GFRA1: variants seen among roughly 807,000 people sequenced by gnomAD.
The protein encoded by GFRA1 is GDNF family receptor alpha 1, also known as GDNF family receptor alpha-1.
Under a neutral mutation model 51.6 loss-of-function variants are expected in GFRA1, and 16 were observed. That is an observed-to-expected ratio of 0.31 (90% confidence interval 0.21 to 0.47). GFRA1 has a LOEUF of 0.47. GFRA1 is among the 20% of genes least tolerant of loss of function. GFRA1 has a pLI of 1.00. For synonymous variants in GFRA1, 270 were observed against 241.3 expected (o/e 1.12, Z -1.10); for missense variants, 530 against 594.3 (o/e 0.89, Z 1.13).
At chr10:116,156,542 T>A (rs1209587703) in intron 5 of GFRA1, among the ~76,000 whole-genome samples, 1 of 152,220 alleles carries the variant, frequency 6.6e-6, no homozygotes, top group Non-Finnish European at 1.5e-5. Context: ...GCCAAACATG[T>A]TATCCATCCC....
At chr10:116,267,970 C>T (rs1035113907) in intron 4 of GFRA1, among the ~76,000 whole-genome samples, 1 of 144,750 alleles carries the variant, frequency 6.9e-6, no homozygotes, top group East Asian at 2.0e-4. Flanking sequence ...CACACACACA[C>T]ACACACTTTT....
At chr10:116,262,303 C>T (rs887486899) in intron 4 of GFRA1, among the ~76,000 whole-genome samples, 2 of 152,202 alleles carry the variant, frequency 1.3e-5, no homozygotes, top group Admixed American at 1.3e-4. Flanking sequence ...ACAGCCTTCA[C>T]TGGAACATTT....
chr10:116,085,487 A>G (rs962559337), intron 9 of GFRA1, among the ~76,000 whole-genome samples: 3 of 152,024 alleles, frequency 2.0e-5, no homozygotes, highest in Non-Finnish European at 4.4e-5. Context: ...TGTGGCTGGG[A>G]CAAACGCCAT....
intron 5 of GFRA1, among the ~76,000 whole-genome samples, chr10:116,148,253 T>C (rs938514353): frequency 2.0e-5 from 3 of 151,978 alleles, no homozygotes; most frequent in Non-Finnish European, 4.4e-5. Context: ...GAGAATCTAG[T>C]CCAATATTCT....
intron 7 of GFRA1, 122 bp from the exon 8 acceptor site, chr10:116,093,958 T>C: frequency 1.1e-6 from 1 of 915,010 alleles, no homozygotes; most frequent in Non-Finnish European, 1.8e-6. Context: ...TTGTATTTGC[T>C]GAGTGGGAAA....
intron 9 of GFRA1, among the ~76,000 whole-genome samples, chr10:116,072,719 CCACTGCACT>C (rs1275840260): frequency 1.3e-5 from 2 of 152,148 alleles, no homozygotes; most frequent in African/African-American, 4.8e-5. Context: ...TGAGATCACA[CCACTGCACT>C]CCAGCCTGGG....
chr10:116,192,084 A>C (rs1963319470), intron 5 of GFRA1, among the ~76,000 whole-genome samples: 1 of 152,146 alleles, frequency 6.6e-6, no homozygotes, highest in South Asian at 2.1e-4. Context: ...ACATAGTCCA[A>C]ATGAATCATT....
At chr10:116,234,192 T>C (rs1966840905) in intron 4 of GFRA1, among the ~76,000 whole-genome samples, 1 of 152,186 alleles carries the variant, frequency 6.6e-6, no homozygotes, top group Non-Finnish European at 1.5e-5. Flanking sequence ...GAGTTTGCCT[T>C]TTTTCCCCCT....
intron 5 of GFRA1, among the ~76,000 whole-genome samples, chr10:116,172,294 C>G (rs1431162807): frequency 1.3e-5 from 2 of 152,142 alleles, no homozygotes. Context: ...TATACCCACC[C>G]ATCCATCTGC....
At chr10:116,065,497 T>C in intron 10 of GFRA1, 76 bp downstream of exon 10, 2 of 1,176,340 alleles carry the variant, frequency 1.7e-6, no homozygotes, top group Non-Finnish European at 2.5e-6. Context: ...GAATGCTTTA[T>C]ATGATACCCT....
chr10:116,114,559 A>G (rs2420232), intron 6 of GFRA1, among the ~76,000 whole-genome samples: 75,989 of 151,850 alleles, frequency 0.5, 20,294 homozygotes, highest in Admixed American at 0.63. Flanking sequence ...TCCTACTTTA[A>G]TTTTTATTTT....
At chr10:116,111,176 T>C (rs1399179130) in intron 6 of GFRA1, among the ~76,000 whole-genome samples, 1 of 152,182 alleles carries the variant, frequency 6.6e-6, no homozygotes, top group Non-Finnish European at 1.5e-5. Context: ...GGAAGAAGAT[T>C]TAATTACCTT....
At position 116,062,361 on chromosome 10, in the gene GFRA1, CTT is replaced by C. The variant is rs1299453455; in HGVS notation, c.*2035_*2036del. ...TAATGTGTTTATTCAAAGTAAGAGT[CTT>C]TATAGATCTTTTCACTAATTAAATA... On this transcript the variant is annotated 3_prime_UTR_variant, in exon 11 of 11. Coordinates refer to ENST00000355422, the MANE Select transcript of GFRA1 (RefSeq NM_005264.8). 15 of 373,584 alleles carry C rather than the reference CTT, an allele frequency of 4.0e-5. No individual in the cohort carries two copies. In the East Asian group the frequency reaches 5.8e-4, roughly 14 times the overall value. The allele number at this position is 373,584 out of a possible 1,614,324, so 23.1% of individuals were successfully genotyped here. A position where few individuals can be genotyped will look rare whatever the true frequency, so the allele number is the denominator to read the frequency against.
chr10:116,189,668 G>A (rs12770328), intron 5 of GFRA1, among the ~76,000 whole-genome samples: 14 of 152,044 alleles, frequency 9.2e-5, no homozygotes, highest in Non-Finnish European at 1.8e-4. Flanking sequence ...TTTAAGCAAT[G>A]GAAATAAGAG....
At chr10:116,148,983 C>T (rs1461613560) in intron 5 of GFRA1, among the ~76,000 whole-genome samples, 1 of 152,198 alleles carries the variant, frequency 6.6e-6, no homozygotes, top group African/African-American at 2.4e-5. Flanking sequence ...GGTCTAAGGA[C>T]TGTTGTACAC....
At chr10:116,236,388 C>T (rs1054198828) in intron 4 of GFRA1, among the ~76,000 whole-genome samples, 10 of 152,088 alleles carry the variant, frequency 6.6e-5, no homozygotes, top group Non-Finnish European at 1.3e-4. Context: ...AAAAAGGTTA[C>T]CAGGACTTTC....
chr10:116,094,645 T>C (rs908735839), intron 7 of GFRA1, among the ~76,000 whole-genome samples: 1 of 152,236 alleles, frequency 6.6e-6, no homozygotes, highest in Non-Finnish European at 1.5e-5. Context: ...ATTTTCTGGA[T>C]GTAAGAAGTA....
chr10:116,265,085 A>C (rs1969559716), intron 4 of GFRA1, among the ~76,000 whole-genome samples: 1 of 152,234 alleles, frequency 6.6e-6, no homozygotes, highest in Non-Finnish European at 1.5e-5. Flanking sequence ...AGAATCACTC[A>C]GAAAAAAAGA....
intron 4 of GFRA1, among the ~76,000 whole-genome samples, chr10:116,215,494 G>C (rs11197587): frequency 0.37 from 56,156 of 152,124 alleles, 12,290 homozygotes; most frequent in East Asian, 0.56. Context: ...CAATCTATTA[G>C]ACCTGCTGAG....
Sources: gnomAD v4.1 joint callset for allele counts (sites outside exome capture counted in the v4.1 genomes callset) on GRCh38, gnomAD v4.1.1 for gene constraint, MANE v1.5 for transcripts, NCBI Gene and HGNC (gene_info 2026-07-23, HGNC 2026-07-21) for gene names.